The following SVOP variants were observed in gnomAD, a reference collection of about 807,000 sequenced individuals.
SVOP encodes SV2 related protein.
In SVOP, 17 loss-of-function variants were observed where a neutral mutation model predicts 69.1. That is an observed-to-expected ratio of 0.25 (90% CI 0.17 to 0.37). The LOEUF (loss-of-function observed/expected upper bound fraction) is 0.37. SVOP is among the 10% of genes least tolerant of loss of function. The probability of loss-of-function intolerance (pLI) is 1.00; values close to 1 mark genes in which losing one functional copy is unlikely to be tolerated. For synonymous variants in SVOP, 238 were observed against 238.6 expected (o/e 1.00, Z 0.02); for missense variants, 435 against 597.5 (o/e 0.73, Z 2.84).
intron 1 of SVOP, among the ~76,000 whole-genome samples, chr12:109,017,358 C>G (rs2040372739): frequency 6.6e-6 from 1 of 151,586 alleles, no homozygotes; most frequent in South Asian, 2.1e-4. Context: ...CATCCCCCTA[C>G]CTAACCACCC....
chr12:108,973,919 C>G (rs997660735), intron 4 of SVOP, among the ~76,000 whole-genome samples: 1 of 152,182 alleles, frequency 6.6e-6, no homozygotes, highest in South Asian at 2.1e-4. Flanking sequence ...ATGACTTTTG[C>G]AAGTCATCTG....
intron 3 of SVOP, among the ~76,000 whole-genome samples, chr12:108,978,033 G>A (rs1377055690): frequency 6.6e-6 from 1 of 152,138 alleles, no homozygotes; most frequent in Non-Finnish European, 1.5e-5. Context: ...GCATGCCCAT[G>A]TCTTGGGAAT....
intron 1 of SVOP, among the ~76,000 whole-genome samples, chr12:109,004,123 GA>G (rs960018309): frequency 2.0e-5 from 3 of 151,396 alleles, no homozygotes; most frequent in Non-Finnish European, 2.9e-5. Flanking sequence ...TTCCTGAGGG[GA>G]AAAAAAAGTA....
chr12:108,956,026 C>A (rs537445041), intron 6 of SVOP, among the ~76,000 whole-genome samples: 2 of 152,098 alleles, frequency 1.3e-5, no homozygotes, highest in Non-Finnish European at 2.9e-5. Flanking sequence ...GCTGGCTGGG[C>A]GCAGTGGCTC....
chr12:109,009,461 T>TA (rs1463433554), intron 1 of SVOP, among the ~76,000 whole-genome samples: 1 of 151,838 alleles, frequency 6.6e-6, no homozygotes, highest in Non-Finnish European at 1.5e-5. Context: ...GAGTGAGGCT[T>TA]AAAGAGAGAT....
rs1304269753 is a variant in SVOP, at chr12:108,940,141, T to C, written c.768+643A>G. ...TTATTGGGAGGAATAAATATGATAA[T>C]GCATGGAGCACAGAGCCTGCCACAC... On this transcript the variant is annotated intron_variant, in intron 8 of 15. Coordinates refer to ENST00000610966, the MANE Select transcript of SVOP (RefSeq NM_018711.5). Among the ~76,000 whole-genome samples, 5 of 152,210 alleles carry C rather than the reference T, an allele frequency of 3.3e-5. No homozygotes were observed. In the East Asian group the frequency reaches 9.6e-4, roughly 29 times the overall value.
At chr12:108,984,015 G>GGAA (rs2040155129) in intron 1 of SVOP, among the ~76,000 whole-genome samples, 1 of 152,202 alleles carries the variant, frequency 6.6e-6, no homozygotes, top group Non-Finnish European at 1.5e-5. Context: ...TATTCACAAA[G>GGAA]TAGGTTATGT....
In SVOP at chr12:108,985,732, A is replaced by G. The variant is rs149861945; in HGVS notation, c.36-1971T>C. On this transcript the variant is annotated intron_variant, in intron 1 of 15. Transcript: ENST00000610966. ...CATGGGCATGAATAGCAGAGGTAGT[A>G]TATGAGCAGATGGAGTACACATTTG... 5.6e-4 allele frequency among the ~76,000 whole-genome samples: 86 copies of G among 152,342 alleles called. 1 individual carries two copies. Among genetic ancestry groups the G allele is most frequent in the African/African-American group, 2.0e-3 (82 of 41,594 alleles).
At chr12:108,937,227 T>A (rs1474179758) in intron 10 of SVOP, 37 bp downstream of exon 10, 1 of 1,607,826 alleles carries the variant, frequency 6.2e-7, no homozygotes, top group Non-Finnish European at 8.5e-7. Context: ...GCACAGGGAG[T>A]GGAAAGGGGT....
At chr12:108,957,612 C>T (rs1304548450) in intron 6 of SVOP, among the ~76,000 whole-genome samples, 1 of 152,208 alleles carries the variant, frequency 6.6e-6, no homozygotes, top group African/African-American at 2.4e-5. Context: ...TTAATAAGCC[C>T]CATCTATCAT....
At chr12:108,927,848 AGCCTCCCAAAG>A (rs1419590641) in intron 11 of SVOP, among the ~76,000 whole-genome samples, 1 of 151,800 alleles carries the variant, frequency 6.6e-6, no homozygotes, top group African/African-American at 2.4e-5. Flanking sequence ...CACCTGCCTC[AGCCTCCCAAAG>A]TGCTGGGATT....
chr12:108,945,069 A>G (rs570819224), intron 7 of SVOP, 34 bp downstream of exon 7: 24 of 1,534,156 alleles, frequency 1.6e-5, no homozygotes, highest in Non-Finnish European at 2.0e-5. Context: ...CGGAATCCAC[A>G]TGCTCTAGAG....
intron 6 of SVOP, among the ~76,000 whole-genome samples, chr12:108,954,667 C>T (rs1292824282): frequency 2.0e-5 from 3 of 152,164 alleles, no homozygotes; most frequent in Non-Finnish European, 2.9e-5. Context: ...TATAGGCTTC[C>T]GGAGGCTTCT....
intron 10 of SVOP, among the ~76,000 whole-genome samples, chr12:108,936,104 G>A (rs1021596588): frequency 5.9e-5 from 9 of 151,768 alleles, no homozygotes; most frequent in Non-Finnish European, 8.8e-5. Context: ...GGAGTGCAGG[G>A]GAGCAATGTC....
intron 1 of SVOP, among the ~76,000 whole-genome samples, chr12:109,012,484 G>A (rs538650326): frequency 9.2e-5 from 14 of 152,172 alleles, no homozygotes; most frequent in African/African-American, 2.2e-4. Flanking sequence ...ACAATTACAC[G>A]TATTTCAGAA....
intron 6 of SVOP, among the ~76,000 whole-genome samples, chr12:108,955,417 T>C (rs1270420444): frequency 6.6e-6 from 1 of 152,230 alleles, no homozygotes; most frequent in Non-Finnish European, 1.5e-5. Flanking sequence ...CCAGCCCAGA[T>C]TTATGGCTGC....
At chr12:108,970,869 A>G (rs1338653622) in intron 5 of SVOP, among the ~76,000 whole-genome samples, 1 of 151,670 alleles carries the variant, frequency 6.6e-6, no homozygotes, top group Non-Finnish European at 1.5e-5. Flanking sequence ...ATAAAAAAAC[A>G]ATTAGCTGGG....
chr12:108,932,863 T>A (rs1030312657), intron 11 of SVOP, among the ~76,000 whole-genome samples: 50 of 152,158 alleles, frequency 3.3e-4, no homozygotes, highest in African/African-American at 1.1e-3. Context: ...CAAAATATTT[T>A]ACTCCCAAAT....
chr12:108,939,364 G>C (rs1444668326), intron 8 of SVOP, among the ~76,000 whole-genome samples: 1 of 152,154 alleles, frequency 6.6e-6, no homozygotes, highest in African/African-American at 2.4e-5. Context: ...ATCACTGTCA[G>C]AAATCTCACC....
Sources: gnomAD v4.1 joint callset for allele counts (sites outside exome capture counted in the v4.1 genomes callset) on GRCh38, gnomAD v4.1.1 for gene constraint, MANE v1.5 for transcripts, NCBI Gene and HGNC (gene_info 2026-07-23, HGNC 2026-07-21) for gene names.